The following RBAK variants were observed in gnomAD, a reference collection of about 807,000 sequenced individuals.
The protein encoded by RBAK is RB-associated KRAB zinc finger protein.
RBAK carries 39 observed loss-of-function variants against 65.8 expected under a neutral mutation model. The observed-to-expected ratio is 0.59, with a 90% CI of 0.46 to 0.77. The LOEUF is 0.77. RBAK is among the 30% of genes least tolerant of loss of function. The pLI is 0.00. For missense variants in RBAK, 884 were observed against 855.1 expected (o/e 1.03, Z -0.42); for synonymous variants, 343 against 289.7 (o/e 1.18, Z -1.87).
At chr7:5,055,509 A>G (rs1788209253) in intron 2 of RBAK, among the ~76,000 whole-genome samples, 1 of 152,120 alleles carries the variant, frequency 6.6e-6, no homozygotes, top group African/African-American at 2.4e-5. Context: ...TCACGGATAC[A>G]AGATTTTTCT....
rs1238330576 is a variant in RBAK, at chr7:5,065,925, G to A, written c.*324G>A. The A allele has an allele frequency of 5.8e-6, 1 of 173,302 alleles. No homozygotes were observed. The highest frequency in any genetic ancestry group is 6.2e-5 in the Admixed American group (1 of 16,048). The allele number at this position is 173,302 out of a possible 1,614,324, so 10.7% of individuals were successfully genotyped here. A position where few individuals can be genotyped will look rare whatever the true frequency, so the allele number is the denominator to read the frequency against. The stretch of plus-strand genomic sequence containing the variant: ...GGCAAAATCTGTCAATATGGTGAAT[G>A]TGGAAAATATATTGTCTTGGAAATT... On this transcript the variant is annotated 3_prime_UTR_variant, in exon 5 of 5. Coordinates refer to ENST00000396912, the MANE Select transcript of RBAK (RefSeq NM_021163.4). The surrounding 1 kb of genome is among the most constrained non-coding windows in gnomAD (Gnocchi z 5.3).
Position 5,064,721 on chromosome 7 carries a change from C to T in RBAK, c.1265C>T (p.Thr422Ile), listed in dbSNP as rs1398314926. 1.2e-6 allele frequency: 2 copies of T among 1,612,426 alleles called. No homozygotes were observed. Among genetic ancestry groups the T allele is most frequent in the Non-Finnish European group, 1.7e-6 (2 of 1,178,758 alleles). ...TCTACTCTGATTACACATCAGAGAA[C>T]ACACACGGGAGAGAAGCCCTATCAG... ...RKSTLITHQR[T>I]HTGEKPYQCS... The change falls in exon 5 of 5, where the codon ACA becomes ATA. Residue 422 changes from threonine (T) to isoleucine (I), a missense_variant. Physicochemically the swap from Thr to Ile is moderately conservative, Grantham distance 89. Transcript: ENST00000396912. This position sits in a 1 kb window ranked among gnomAD's most constrained non-coding sequence, Gnocchi z 6.3.
chr7:5,047,523 C>T (rs1788016123), intron 1 of RBAK, among the ~76,000 whole-genome samples: 1 of 151,386 alleles, frequency 6.6e-6, no homozygotes, highest in Non-Finnish European at 1.5e-5. Context: ...GAGAGTCTCA[C>T]TCATCTGATT....
rs755131496 is a variant in RBAK, at chr7:5,057,671, T to C, written c.143-13T>C. 6.2e-7 allele frequency: 1 copy of C among 1,613,740 alleles called. No homozygotes were observed. Among genetic ancestry groups the C allele is most frequent in the South Asian group, 1.1e-5 (1 of 91,008 alleles). The stretch of plus-strand genomic sequence containing the variant: ...GCAGCTTCCCCAAGTCCTCCTTCTT[T>C]TCCCATTAACAGGATATGATACCAC... On this transcript the variant is annotated splice_polypyrimidine_tract_variant and intron_variant, in intron 3 of 4. Transcript: ENST00000396912.
chr7:5,061,423 T>G (rs1779066410), intron 4 of RBAK, among the ~76,000 whole-genome samples: 1 of 150,468 alleles, frequency 6.6e-6, no homozygotes, highest in East Asian at 2.0e-4. Context: ...AAAGATCTGA[T>G]CTTGGGTTTT....
At chr7:5,061,962 C>G (rs1328593858) in intron 4 of RBAK, among the ~76,000 whole-genome samples, 1 of 151,908 alleles carries the variant, frequency 6.6e-6, no homozygotes, top group Non-Finnish European at 1.5e-5. Flanking sequence ...ATTCACATGC[C>G]TGGATCTCTC....
At position 5,046,111 on chromosome 7, in the gene RBAK, TGGCGGCGGA is replaced by T. The variant is rs916316778; in HGVS notation, c.-325_-317del. ...GGGGCCGGACGGGAGGTGGCGGAGG[TGGCGGCGGA>T]GGCGAAGGGGCGGCGGGACGCGGGC... On this transcript the variant is annotated 5_prime_UTR_variant, in exon 1 of 5. Coordinates refer to ENST00000396912, the MANE Select transcript of RBAK (RefSeq NM_021163.4). 3.5e-5 allele frequency: 11 copies of T among 312,916 alleles called. No individual in the cohort carries two copies. Among genetic ancestry groups the T allele is most frequent in the African/African-American group, 1.6e-4 (7 of 42,500 alleles). 19.4% of individuals were successfully genotyped at this position (312,916 alleles called of 1,614,324 possible).
rs1485002743 is a variant in RBAK at position 5,064,174 on chromosome 7, C to T, written c.718C>T (p.Pro240Ser). The T allele has an allele frequency of 6.2e-7, 1 of 1,613,708 alleles. No homozygotes were observed. The highest frequency in any genetic ancestry group is 1.7e-5 in the Admixed American group (1 of 59,974). Reference protein sequence around the residue: ...EKPYEWNDSGPDFIQMSNFNA... With the variant: ...EKPYEWNDSGSDFIQMSNFNA... Reference sequence around the variant, plus strand: ...GCCCTATGAGTGGAATGATTCTGGACCAGACTTCATACAGATGTCAAATTT... The same window carrying T: ...GCCCTATGAGTGGAATGATTCTGGATCAGACTTCATACAGATGTCAAATTT... Residue 240 changes from proline (P) to serine (S), a missense_variant, in exon 5 of 5, where the codon CCA (proline) becomes TCA (serine). Physicochemically the swap from Pro to Ser is moderately conservative, Grantham distance 74. Coordinates refer to ENST00000396912, the MANE Select transcript of RBAK (RefSeq NM_021163.4). This position sits in a 1 kb window ranked among gnomAD's most constrained non-coding sequence, Gnocchi z 6.3.
At position 5,065,427 on chromosome 7, in the gene RBAK, G is replaced by A. The variant is rs755457676; in HGVS notation, c.1971G>A (p.Gly657=). The A allele has an allele frequency of 2.5e-6, 4 of 1,613,634 alleles. No individual in the cohort carries two copies. In the African/African-American group the frequency reaches 5.3e-5, roughly 22 times the overall value. ...AACCCTATGAATGTAATGAATGTGG[G>A]AAAGTCTTTTCTCAGAAGTCATACC... is the stretch of plus-strand genomic sequence containing the variant. The part of the protein sequence containing the change: ...GEKPYECNEC[G]KVFSQKSYLT... The change falls in exon 5 of 5, where the codon GGG becomes GGA. Residue 657 remains glycine, a synonymous_variant. Transcript: ENST00000396912. This position sits in a 1 kb window ranked among gnomAD's most constrained non-coding sequence, Gnocchi z 5.3.
At chr7:5,055,539 G>A (rs1450208280) in intron 2 of RBAK, among the ~76,000 whole-genome samples, 7 of 151,888 alleles carry the variant, frequency 4.6e-5, no homozygotes, top group African/African-American at 1.7e-4. Flanking sequence ...TGTTATAGTG[G>A]CTTATCATAT....
chr7:5,047,797 G>T (rs780804031), intron 1 of RBAK, among the ~76,000 whole-genome samples: 24 of 151,848 alleles, frequency 1.6e-4, no homozygotes, highest in Non-Finnish European at 3.2e-4. Context: ...AAGTAGAGAT[G>T]GGGTTTCGCC....
chr7:5,064,176 A>T lies in RBAK; in HGVS notation c.720A>T (p.Pro240=), dbSNP rs775724196. 1.1e-5 allele frequency: 18 copies of T among 1,613,874 alleles called. No homozygotes were observed. The highest frequency in any genetic ancestry group is 1.4e-5 in the Non-Finnish European group (17 of 1,179,940). The stretch of plus-strand genomic sequence containing the variant: ...CCTATGAGTGGAATGATTCTGGACC[A>T]GACTTCATACAGATGTCAAATTTTA... The part of the protein sequence containing the change: ...EKPYEWNDSG[P]DFIQMSNFNA... Residue 240 remains proline, a synonymous_variant, in exon 5 of 5, where the codon CCA becomes CCT. Transcript: ENST00000396912. This position sits in a 1 kb window ranked among gnomAD's most constrained non-coding sequence, Gnocchi z 6.3.
Position 5,066,580 on chromosome 7 carries a change from C to T in RBAK, c.*979C>T, listed in dbSNP as rs1159115096. 6.6e-6 allele frequency: 1 copy of T among 152,160 alleles called. No homozygotes were observed. The highest frequency in any genetic ancestry group is 2.4e-5 in the African/African-American group (1 of 41,452). The allele number at this position is 152,160 out of a possible 1,614,324, so 9.4% of individuals were successfully genotyped here. A position where few individuals can be genotyped will look rare whatever the true frequency, so the allele number is the denominator to read the frequency against. ...GTAATTTAGAAATTTTATTCACAAACTTCTGTTTGGTACAAATACAGTGTC... is the reference window on the plus strand; with the variant it reads ...GTAATTTAGAAATTTTATTCACAAATTTCTGTTTGGTACAAATACAGTGTC... On this transcript the variant is annotated 3_prime_UTR_variant, in exon 5 of 5. Coordinates refer to ENST00000396912, the MANE Select transcript of RBAK (RefSeq NM_021163.4).
intron 2 of RBAK, among the ~76,000 whole-genome samples, chr7:5,055,221 T>G (rs1788200703): frequency 6.6e-6 from 1 of 151,856 alleles, no homozygotes; most frequent in Non-Finnish European, 1.5e-5. Context: ...ATCCTGACTT[T>G]TGGACCGAGA....
At position 5,067,187 on chromosome 7, in the gene RBAK, C is replaced by G. The variant is rs866587349; in HGVS notation, c.*1586C>G. The G allele has an allele frequency of 6.6e-6, 1 of 151,996 alleles. No individual in the cohort carries two copies. Among genetic ancestry groups the G allele is most frequent in the Admixed American group, 6.5e-5 (1 of 15,268 alleles). The allele number at this position is 151,996 out of a possible 1,614,324, so 9.4% of individuals were successfully genotyped here. A position where few individuals can be genotyped will look rare whatever the true frequency, so the allele number is the denominator to read the frequency against. ...TTTATTCGGCATTGTTCAGAAGGACCTAACCAGAAAACTAATGCAAGGAAG... is the reference window on the plus strand; with the variant it reads ...TTTATTCGGCATTGTTCAGAAGGACGTAACCAGAAAACTAATGCAAGGAAG... On this transcript the variant is annotated 3_prime_UTR_variant, in exon 5 of 5. Coordinates refer to ENST00000396912, the MANE Select transcript of RBAK (RefSeq NM_021163.4).
chr7:5,061,330 G>A (rs1326784769), intron 4 of RBAK, among the ~76,000 whole-genome samples: 1 of 152,048 alleles, frequency 6.6e-6, no homozygotes, highest in African/African-American at 2.4e-5. Context: ...CTTAACCACT[G>A]TGCTATATTG....
In RBAK at chr7:5,067,832, A is replaced by G. The variant is rs1194965662; in HGVS notation, c.*2231A>G. ...GTGACATTGAAGTGTAGTGGGGGAAAGGGTGTTCTTTCCAGTAAATGTACT... is the reference window on the plus strand; with the variant it reads ...GTGACATTGAAGTGTAGTGGGGGAAGGGGTGTTCTTTCCAGTAAATGTACT... On this transcript the variant is annotated 3_prime_UTR_variant, in exon 5 of 5. Transcript: ENST00000396912. 6.6e-6 allele frequency: 1 copy of G among 152,226 alleles called. No individual in the cohort carries two copies. The highest frequency in any genetic ancestry group is 1.5e-5 in the Non-Finnish European group (1 of 68,030). The allele number at this position is 152,226 out of a possible 1,614,324, so 9.4% of individuals were successfully genotyped here. A position where few individuals can be genotyped will look rare whatever the true frequency, so the allele number is the denominator to read the frequency against.
At chr7:5,059,985 G>C (rs1478217496) in intron 4 of RBAK, among the ~76,000 whole-genome samples, 1 of 152,112 alleles carries the variant, frequency 6.6e-6, no homozygotes, top group Non-Finnish European at 1.5e-5. Context: ...TGCTCTATGA[G>C]TATATGCTCT....
At position 5,064,604 on chromosome 7, in the gene RBAK, C is replaced by G; in HGVS notation, c.1148C>G (p.Ser383Cys). The G allele has an allele frequency of 6.2e-7, 1 of 1,613,992 alleles. No individual in the cohort carries two copies. The highest frequency in any genetic ancestry group is 8.5e-7 in the Non-Finnish European group (1 of 1,179,976). The change falls in exon 5 of 5, where the codon TCC (serine) becomes TGC (cysteine). Residue 383 changes from serine (S) to cysteine (C), a missense_variant. Physicochemically the swap from Ser to Cys is moderately radical, Grantham distance 112. Coordinates refer to ENST00000396912, the MANE Select transcript of RBAK (RefSeq NM_021163.4). This position sits in a 1 kb window ranked among gnomAD's most constrained non-coding sequence, Gnocchi z 6.3. ...TGTAACGAATGTGGGAAATCCTTCT[C>G]CCGCAAGTCTGCTCTCAGTGACCAT... ...YPCNECGKSF[S>C]RKSALSDHQR...
Sources: allele counts gnomAD v4.1 joint callset (sites outside exome capture counted in the v4.1 genomes callset), GRCh38; gene constraint gnomAD v4.1.1; non-coding constraint Gnocchi (gnomAD v3.1); transcripts MANE v1.5; gene names NCBI Gene and HGNC (gene_info 2026-07-23, HGNC 2026-07-21).